The following USP17L2 variants were observed in gnomAD, a reference collection of about 807,000 sequenced individuals.
The protein encoded by USP17L2 is ubiquitin specific peptidase 17 like family member 2, also known as ubiquitin carboxyl-terminal hydrolase 17.
A neutral mutation model predicts 39.8 loss-of-function variants in USP17L2; 29 were observed. The observed-to-expected ratio is 0.73, with a 90% confidence interval of 0.54 to 0.99. The LOEUF is 0.99. Ranked by LOEUF, USP17L2 falls within the 50% of genes least tolerant of loss-of-function variation. The pLI, the probability that USP17L2 is intolerant of heterozygous loss-of-function variation, is 0.00. For synonymous variants in USP17L2, 231 were observed against 252.7 expected, an observed-to-expected ratio of 0.91 and a Z score of 0.81; for missense variants, 567 against 647.2, an observed-to-expected ratio of 0.88 and a Z score of 1.35.
chr8:12,137,254 C>G lies in USP17L2; in HGVS notation c.1507G>C (p.Gly503Arg). 6.5e-7 allele frequency: 1 copy of G among 1,530,542 alleles called. No individual in the cohort carries two copies. Among genetic ancestry groups the G allele is most frequent in the Non-Finnish European group, 8.8e-7 (1 of 1,135,020 alleles). 94.8% of individuals were successfully genotyped at this position (1,530,542 alleles called of 1,614,324 possible). A position where few individuals can be genotyped will look rare whatever the true frequency, so the allele number is the denominator to read the frequency against. ...CTCCCTTGCAGAGAAGCGAGGGTGC[C>G]AGTGTTCACGGACTCCTGATCTGTC... is the stretch of plus-strand genomic sequence containing the variant. Reference protein sequence around the residue: ...TRTDQESVNTGTLASLQGRTR... With the variant: ...TRTDQESVNTRTLASLQGRTR... The change falls in exon 1 of 1, where the codon GGC becomes CGC. Residue 503 changes from glycine (G) to arginine (R), a missense_variant. Physicochemically the swap from Gly to Arg is moderately radical, Grantham distance 125. Coordinates refer to ENST00000333796, the MANE Select transcript of USP17L2 (RefSeq NM_201402.3).
chr8:12,137,975 C>T lies in USP17L2; in HGVS notation c.786G>A (p.Pro262=), dbSNP rs74614551. The change falls in exon 1 of 1, where the codon CCG becomes CCA. Residue 262 remains proline, a synonymous_variant. Coordinates refer to ENST00000333796, the MANE Select transcript of USP17L2 (RefSeq NM_201402.3). ...YHCGLCLQRA[P]ASKTLTLHTS... ...TGTGTAAAGTTAACGTCTTGGAGGC[C>T]GGCGCCCTCTGGAGACAAAGACCGC... The T allele has an allele frequency of 0.44, 654,288 of 1,475,284 alleles. 131,209 individuals carry two copies. The highest frequency in any genetic ancestry group is 0.54 in the Admixed American group (30,026 of 55,202). The allele number at this position is 1,475,284 out of a possible 1,614,324, so 91.4% of individuals were successfully genotyped here. A position where few individuals can be genotyped will look rare whatever the true frequency, so the allele number is the denominator to read the frequency against.
In USP17L2 at chr8:12,137,966, C is replaced by T; in HGVS notation, c.795G>A (p.Lys265=). The stretch of plus-strand genomic sequence containing the variant: ...TGGCAGAAGTGTGTAAAGTTAACGT[C>T]TTGGAGGCCGGCGCCCTCTGGAGAC... ...GLCLQRAPAS[K]TLTLHTSAKV... The change falls in exon 1 of 1, where the codon AAG becomes AAA. Residue 265 remains lysine (K), a synonymous_variant. Coordinates refer to ENST00000333796, the MANE Select transcript of USP17L2 (RefSeq NM_201402.3). 1.3e-6 allele frequency: 2 copies of T among 1,512,168 alleles called. No individual in the cohort carries two copies. Among genetic ancestry groups the T allele is most frequent in the Admixed American group, 1.8e-5 (1 of 55,684 alleles). 93.7% of individuals were successfully genotyped at this position (1,512,168 alleles called of 1,614,324 possible).
At position 12,136,901 on chromosome 8, in the gene USP17L2, C is replaced by T. The variant is rs1251167938; in HGVS notation, c.*267G>A. Among the ~76,000 whole-genome samples the T allele has an allele frequency of 1.4e-5, 2 of 140,530 alleles. No homozygotes were observed. The highest frequency in any genetic ancestry group is 4.6e-4 in the East Asian group (2 of 4,306). 92.2% of individuals were successfully genotyped at this position (140,530 alleles called of 152,430 possible). A position where few individuals can be genotyped will look rare whatever the true frequency, so the allele number is the denominator to read the frequency against. On this transcript the variant is annotated 3_prime_UTR_variant, in exon 1 of 1. Coordinates refer to ENST00000333796, the MANE Select transcript of USP17L2 (RefSeq NM_201402.3). ...GAATGTCATCTACCATGAACACAAA[C>T]ACACAGACAGTCTCTCCAGAGGTTC...
rs1472295890 is a variant in USP17L2, at chr8:12,137,643, A to T, written c.1118T>A (p.Ile373Asn). The T allele has an allele frequency of 2.6e-6, 4 of 1,526,180 alleles. No individual in the cohort carries two copies. Among genetic ancestry groups the T allele is most frequent in the Non-Finnish European group, 3.5e-6 (4 of 1,128,390 alleles). 94.5% of individuals were successfully genotyped at this position (1,526,180 alleles called of 1,614,324 possible). The change falls in exon 1 of 1, where the codon ATC becomes AAC. Residue 373 changes from isoleucine to asparagine, a missense_variant. Physicochemically the swap from Ile to Asn is moderately radical, Grantham distance 149. Coordinates refer to ENST00000333796, the MANE Select transcript of USP17L2 (RefSeq NM_201402.3). ...GTGTCTTTCCCATTCACTCTTCTGG[A>T]TGTAAAAGAGGACATAGGCCTGTTG... ...LSQQAYVLFYIQKSEWERHSE... is the reference protein window; with the variant it reads ...LSQQAYVLFYNQKSEWERHSE...
rs1481326596 is a variant in USP17L2 at position 12,137,879 on chromosome 8, A to C, written c.882T>G (p.Asn294Lys). The C allele has an allele frequency of 6.5e-7, 1 of 1,529,464 alleles. No individual in the cohort carries two copies. The highest frequency in any genetic ancestry group is 1.4e-5 in the African/African-American group (1 of 69,080). 94.7% of individuals were successfully genotyped at this position (1,529,464 alleles called of 1,614,324 possible). A position where few individuals can be genotyped will look rare whatever the true frequency, so the allele number is the denominator to read the frequency against. Residue 294 changes from asparagine (N) to lysine (K), a missense_variant, in exon 1 of 1, where the codon AAT (asparagine) becomes AAG (lysine). Transcript: ENST00000333796. ...SDVTGNKLAKNVQYPECLDMQ... is the reference protein window; with the variant it reads ...SDVTGNKLAKKVQYPECLDMQ... ...TGTCAAGGCACTCAGGATATTGCAC[A>C]TTCTTGGCAAGTTTGTTGCCTGTGA...
rs745419434 is a variant in USP17L2, at chr8:12,137,506, C to T, written c.1255G>A (p.Glu419Lys). The T allele has an allele frequency of 9.0e-5, 138 of 1,532,810 alleles. 4 individuals carry two copies. Among genetic ancestry groups the T allele is most frequent in the South Asian group, 1.1e-4 (9 of 81,340 alleles). The allele number at this position is 1,532,810 out of a possible 1,614,324, so 95.0% of individuals were successfully genotyped here. Residue 419 changes from glutamate (E) to lysine (K), a missense_variant, in exon 1 of 1, where the codon GAG (glutamate) becomes AAG (lysine). Glu to Lys is a moderately conservative substitution (Grantham distance 56). Coordinates refer to ENST00000333796, the MANE Select transcript of USP17L2 (RefSeq NM_201402.3). ...KRDHPCLQAP[E>K]LDERLVERAT... ...CTTTCCACCAAGCGCTCGTCCAACTCGGGTGCCTGGAGGCAGGGGTGGTCT... is the reference window on the plus strand; with the variant it reads ...CTTTCCACCAAGCGCTCGTCCAACTTGGGTGCCTGGAGGCAGGGGTGGTCT...
Position 12,137,084 on chromosome 8 carries a change from T to A in USP17L2, c.*84A>T, listed in dbSNP as rs1371615293. 5.8e-6 allele frequency: 8 copies of A among 1,389,150 alleles called. 1 individual carries two copies. In the Admixed American group the frequency reaches 1.3e-4, roughly 22 times the overall value. 86.1% of individuals were successfully genotyped at this position (1,389,150 alleles called of 1,614,324 possible). A position where few individuals can be genotyped will look rare whatever the true frequency, so the allele number is the denominator to read the frequency against. On this transcript the variant is annotated 3_prime_UTR_variant, in exon 1 of 1. Coordinates refer to ENST00000333796, the MANE Select transcript of USP17L2 (RefSeq NM_201402.3). Reference sequence around the variant, plus strand: ...GTGTTCGTGTTTGTGTGTGTGTGTGTGTTTGCGTGCGCGCTTGTGGGTGTA... The same window carrying A: ...GTGTTCGTGTTTGTGTGTGTGTGTGAGTTTGCGTGCGCGCTTGTGGGTGTA...
Position 12,137,763 on chromosome 8 carries a change from C to G in USP17L2, c.998G>C (p.Gly333Ala). The change falls in exon 1 of 1, where the codon GGA (glycine) becomes GCA (alanine). Residue 333 changes from glycine to alanine, a missense_variant. Physicochemically the swap from Gly to Ala is moderately conservative, Grantham distance 60. This residue lies in a region of USP17L2 where 304 missense variants were observed against 254.7 expected (regional missense o/e 1.19). Transcript: ENST00000333796. ...LVHAGWSCHD[G>A]HYFSYVKAQE... is the part of the protein sequence containing the mutation. ...AGCTTTGACATAAGAGAAGTAATGT[C>G]CGTCGTGACAACTCCACCCAGCGTG... The G allele has an allele frequency of 6.6e-7, 1 of 1,506,232 alleles. No homozygotes were observed. The allele number at this position is 1,506,232 out of a possible 1,614,324, so 93.3% of individuals were successfully genotyped here. A position where few individuals can be genotyped will look rare whatever the true frequency, so the allele number is the denominator to read the frequency against.
chr8:12,136,812 GT>G lies in USP17L2; in HGVS notation c.*355del, dbSNP rs1803239750. ...ACCCCAAGAGAAAATAGGAAACCGA[GT>G]CCCCTGCAATAACCTCACACTCAAA... is the stretch of plus-strand genomic sequence containing the variant. On this transcript the variant is annotated 3_prime_UTR_variant, in exon 1 of 1. Coordinates refer to ENST00000333796, the MANE Select transcript of USP17L2 (RefSeq NM_201402.3). 7.1e-6 allele frequency among the ~76,000 whole-genome samples: 1 copy of G among 140,554 alleles called. No homozygotes were observed. The highest frequency in any genetic ancestry group is 2.7e-5 in the African/African-American group (1 of 37,276). 92.2% of individuals were successfully genotyped at this position (140,554 alleles called of 152,430 possible). A position where few individuals can be genotyped will look rare whatever the true frequency, so the allele number is the denominator to read the frequency against.
rs766574391 is a variant in USP17L2 at position 12,137,938 on chromosome 8, C to T, written c.823G>A (p.Val275Ile). 5.2e-6 allele frequency: 8 copies of T among 1,529,774 alleles called. 1 individual carries two copies. Among genetic ancestry groups the T allele is most frequent in the South Asian group, 2.4e-5 (2 of 82,166 alleles). The allele number at this position is 1,529,774 out of a possible 1,614,324, so 94.8% of individuals were successfully genotyped here. ...KTLTLHTSAK[V>I]LILVLKRFSD... ...AATCTCTTCAAGACAAGGATGAGGA[C>T]CTTGGCAGAAGTGTGTAAAGTTAAC... The change falls in exon 1 of 1, where the codon GTC becomes ATC. Residue 275 changes from valine to isoleucine, a missense_variant. Val to Ile is a conservative substitution (Grantham distance 29, BLOSUM62 3). Around this residue, in one of 6 missense-constraint regions of USP17L2, gnomAD observed 65 missense variants for 84.8 expected, o/e 0.77. Transcript: ENST00000333796.
In USP17L2 at chr8:12,138,420, G is replaced by C; in HGVS notation, c.341C>G (p.Ser114Cys). Residue 114 changes from serine (S) to cysteine (C), a missense_variant, in exon 1 of 1, where the codon TCT (serine) becomes TGT (cysteine). Transcript: ENST00000333796. Reference protein sequence around the residue: ...LANYMLSREHSQTCQRPKCCM... With the variant: ...LANYMLSREHCQTCQRPKCCM... ...GCACTTGGGACGCTGACATGTTTGAGAGTGCTCCCGGGACAGCATGTAGTT... is the reference window on the plus strand; with the variant it reads ...GCACTTGGGACGCTGACATGTTTGACAGTGCTCCCGGGACAGCATGTAGTT... 4 of 1,510,772 alleles carry C rather than the reference G, an allele frequency of 2.6e-6. 1 individual carries two copies. Among genetic ancestry groups the C allele is most frequent in the South Asian group, 2.4e-5 (2 of 81,662 alleles). 93.6% of individuals were successfully genotyped at this position (1,510,772 alleles called of 1,614,324 possible). A position where few individuals can be genotyped will look rare whatever the true frequency, so the allele number is the denominator to read the frequency against.
chr8:12,137,179 C>G lies in USP17L2; in HGVS notation c.1582G>C (p.Val528Leu), dbSNP rs1803263004. Reference sequence around the variant, plus strand: ...CACTTCCACTGAGATCACTGGCACACAAGCAGAGCCCTCTTGCTGTGTTTG... The same window carrying G: ...CACTTCCACTGAGATCACTGGCACAGAAGCAGAGCCCTCTTGCTGTGTTTG... ...KNKHSKRALL[V>L]CQ Residue 528 changes from valine to leucine, a missense_variant, in exon 1 of 1, where the codon GTG becomes CTG. Transcript: ENST00000333796. The G allele has an allele frequency of 2.6e-6, 4 of 1,530,784 alleles. No individual in the cohort carries two copies. The highest frequency in any genetic ancestry group is 1.8e-5 in the Admixed American group (1 of 55,836). 94.8% of individuals were successfully genotyped at this position (1,530,784 alleles called of 1,614,324 possible). A position where few individuals can be genotyped will look rare whatever the true frequency, so the allele number is the denominator to read the frequency against.
Position 12,137,508 on chromosome 8 carries a change from G to T in USP17L2, c.1253C>A (p.Pro418His). The T allele has an allele frequency of 6.5e-7, 1 of 1,532,720 alleles. No homozygotes were observed. The allele number at this position is 1,532,720 out of a possible 1,614,324, so 94.9% of individuals were successfully genotyped here. Residue 418 changes from proline (P) to histidine (H), a missense_variant, in exon 1 of 1, where the codon CCC becomes CAC. Pro to His is a moderately conservative substitution (Grantham distance 77, BLOSUM62 -2). This residue lies in a region of USP17L2 where 304 missense variants were observed against 254.7 expected (regional missense o/e 1.19). Coordinates refer to ENST00000333796, the MANE Select transcript of USP17L2 (RefSeq NM_201402.3). ...TTCCACCAAGCGCTCGTCCAACTCG[G>T]GTGCCTGGAGGCAGGGGTGGTCTCT... ...LKRDHPCLQA[P>H]ELDERLVERA...
At position 12,137,538 on chromosome 8, in the gene USP17L2, A is replaced by G; in HGVS notation, c.1223T>C (p.Leu408Pro). Reference protein sequence around the residue: ...DTDRRATQGELKRDHPCLQAP... With the variant: ...DTDRRATQGEPKRDHPCLQAP... ...CTGGAGGCAGGGGTGGTCTCTCTTGAGCTCTCCTTGCGTTGCTCGCCTGTC... is the reference window on the plus strand; with the variant it reads ...CTGGAGGCAGGGGTGGTCTCTCTTGGGCTCTCCTTGCGTTGCTCGCCTGTC... Residue 408 changes from leucine (L) to proline (P), a missense_variant, in exon 1 of 1, where the codon CTC becomes CCC. Physicochemically the swap from Leu to Pro is moderately conservative, Grantham distance 98. This residue lies in a region of USP17L2 where 304 missense variants were observed against 254.7 expected (regional missense o/e 1.19). Transcript: ENST00000333796. 3 of 1,532,486 alleles carry G rather than the reference A, an allele frequency of 2.0e-6. 1 individual carries two copies. In the South Asian group the frequency reaches 3.7e-5, roughly 19 times the overall value. The allele number at this position is 1,532,486 out of a possible 1,614,324, so 94.9% of individuals were successfully genotyped here.
Position 12,137,315 on chromosome 8 carries a change from C to A in USP17L2, c.1446G>T (p.Gln482His). 1.3e-6 allele frequency: 2 copies of A among 1,531,378 alleles called. 1 individual carries two copies. The highest frequency in any genetic ancestry group is 1.8e-6 in the Non-Finnish European group (2 of 1,135,220). The allele number at this position is 1,531,378 out of a possible 1,614,324, so 94.9% of individuals were successfully genotyped here. A position where few individuals can be genotyped will look rare whatever the true frequency, so the allele number is the denominator to read the frequency against. ...AAGAGAGGTTTAGCAGGGAGCTTTGCTGTTCAGGATGATGGTTTTTCATCC... is the reference window on the plus strand; with the variant it reads ...AAGAGAGGTTTAGCAGGGAGCTTTGATGTTCAGGATGATGGTTTTTCATCC... Reference protein sequence around the residue: ...KCGMKNHHPEQQSSLLNLSST... With the variant: ...KCGMKNHHPEHQSSLLNLSST... Residue 482 changes from glutamine (Q) to histidine (H), a missense_variant, in exon 1 of 1, where the codon CAG becomes CAT. Transcript: ENST00000333796.
At position 12,138,491 on chromosome 8, in the gene USP17L2, G is replaced by A. The variant is rs376813561; in HGVS notation, c.270C>T (p.Tyr90=). ...TCAGGCACTGCAGGGAAGCGTTCTCGTAGCAGGTATTTCCCATATTCTGGA... is the reference window on the plus strand; with the variant it reads ...TCAGGCACTGCAGGGAAGCGTTCTCATAGCAGGTATTTCCCATATTCTGGA... ...AGLQNMGNTC[Y]ENASLQCLTY... Residue 90 remains tyrosine, a synonymous_variant, in exon 1 of 1, where the codon TAC becomes TAT. Coordinates refer to ENST00000333796, the MANE Select transcript of USP17L2 (RefSeq NM_201402.3). 229 of 1,540,310 alleles carry A rather than the reference G, an allele frequency of 1.5e-4. 17 individuals are homozygous for A. Among genetic ancestry groups the A allele is most frequent in the African/African-American group, 5.3e-4 (37 of 70,254 alleles).
chr8:12,137,259 T>A lies in USP17L2; in HGVS notation c.1502A>T (p.Asn501Ile), dbSNP rs769107772. ...TTGCAGAGAAGCGAGGGTGCCAGTG[T>A]TCACGGACTCCTGATCTGTCCGGGT... ...STTRTDQESV[N>I]TGTLASLQGR... The change falls in exon 1 of 1, where the codon AAC becomes ATC. Residue 501 changes from asparagine to isoleucine, a missense_variant. By Grantham distance (149) the Asn-to-Ile change is moderately radical (BLOSUM62 -3). Transcript: ENST00000333796. The A allele has an allele frequency of 6.5e-7, 1 of 1,530,762 alleles. No homozygotes were observed. The highest frequency in any genetic ancestry group is 8.8e-7 in the Non-Finnish European group (1 of 1,135,056). The allele number at this position is 1,530,762 out of a possible 1,614,324, so 94.8% of individuals were successfully genotyped here. A position where few individuals can be genotyped will look rare whatever the true frequency, so the allele number is the denominator to read the frequency against.
rs200554002 is a variant in USP17L2, at chr8:12,137,739, G to A, written c.1022C>T (p.Ala341Val). Residue 341 changes from alanine (A) to valine (V), a missense_variant, in exon 1 of 1, where the codon GCT becomes GTT. This residue lies in a region of USP17L2 where 304 missense variants were observed against 254.7 expected (regional missense o/e 1.19). Coordinates refer to ENST00000333796, the MANE Select transcript of USP17L2 (RefSeq NM_201402.3). ...CATTTTATACCACTGGCCTTCTTGA[G>A]CTTTGACATAAGAGAAGTAATGTCC... ...HDGHYFSYVK[A>V]QEGQWYKMDD... 68,741 of 1,512,416 alleles carry A rather than the reference G, an allele frequency of 0.045. 6,326 individuals are homozygous for A. Among genetic ancestry groups the A allele is most frequent in the Non-Finnish European group, 0.053 (59,301 of 1,117,242 alleles). The allele number at this position is 1,512,416 out of a possible 1,614,324, so 93.7% of individuals were successfully genotyped here. A position where few individuals can be genotyped will look rare whatever the true frequency, so the allele number is the denominator to read the frequency against.
At position 12,138,233 on chromosome 8, in the gene USP17L2, G is replaced by C. The variant is rs569397331; in HGVS notation, c.528C>G (p.Cys176Trp). The C allele has an allele frequency of 4.9e-4, 634 of 1,292,780 alleles. 115 individuals carry two copies. In the East Asian group the frequency reaches 0.015, roughly 31 times the overall value. The allele number at this position is 1,292,780 out of a possible 1,614,324, so 80.1% of individuals were successfully genotyped here. The change falls in exon 1 of 1, where the codon TGC (cysteine) becomes TGG (tryptophan). Residue 176 changes from cysteine to tryptophan, a missense_variant. By Grantham distance (215) the Cys-to-Trp change is radical. Around this residue, in one of 6 missense-constraint regions of USP17L2, gnomAD observed 67 missense variants for 122.8 expected, o/e 0.55. Transcript: ENST00000333796. ...MFTVDAMKKA[C>W]LPGHKQVDHH... ...GATCTACCTGCTTGTGGCCGGGAAG[G>C]CATGCCTTTTTCATGGCATCCACAG...
Sources: allele counts gnomAD v4.1 joint callset (sites outside exome capture counted in the v4.1 genomes callset), GRCh38; gene constraint gnomAD v4.1.1; regional missense constraint gnomAD v4.1.1; transcripts MANE v1.5; gene names NCBI Gene and HGNC (gene_info 2026-07-23, HGNC 2026-07-21).